PTPRD: variants seen among roughly 807,000 people sequenced by gnomAD.
The protein encoded by PTPRD is receptor-type tyrosine-protein phosphatase delta.
A neutral mutation model predicts 214.5 loss-of-function variants in PTPRD; 34 were observed. The observed-to-expected ratio is 0.16, with a 90% CI of 0.12 to 0.21. PTPRD has a LOEUF of 0.21. PTPRD is among the 10% of genes least tolerant of loss of function. The probability of loss-of-function intolerance (pLI) is 1.00; values close to 1 mark genes in which losing one functional copy is unlikely to be tolerated. For missense variants in PTPRD, 2,545 were observed against 2,398.7 expected (o/e 1.06, Z -1.27); for synonymous variants, 1,128 against 845.7 (o/e 1.33, Z -5.79).
At chr9:9,822,796 G>A (rs966816530) in intron 5 of PTPRD, among the ~76,000 whole-genome samples, 1 of 151,964 alleles carries the variant, frequency 6.6e-6, no homozygotes, top group African/African-American at 2.4e-5. Flanking sequence ...CTCATGTGAC[G>A]ATTCTCAGCG....
chr9:8,587,794 G>A (rs1158801346), intron 14 of PTPRD, among the ~76,000 whole-genome samples: 2 of 152,128 alleles, frequency 1.3e-5, no homozygotes, highest in Non-Finnish European at 2.9e-5. Flanking sequence ...TAGTAGGAAA[G>A]GACAAAACTT....
chr9:8,710,354 T>C lies in PTPRD; in HGVS notation c.64+23426A>G, dbSNP rs1455037049. 2.0e-5 allele frequency among the ~76,000 whole-genome samples: 3 copies of C among 152,174 alleles called. 1 individual carries two copies. Among genetic ancestry groups the C allele is most frequent in the Admixed American group, 2.0e-4 (3 of 15,264 alleles). On this transcript the variant is annotated intron_variant, in intron 12 of 45. Coordinates refer to ENST00000381196, the MANE Select transcript of PTPRD (RefSeq NM_002839.4). ...AAATAAGGCCATGCAGGGTGGCTTA[T>C]GCCTGTAATCCTAGCACTCTGGGAA...
chr9:8,328,465 C>G (rs964833493), intron 44 of PTPRD, among the ~76,000 whole-genome samples: 2 of 152,230 alleles, frequency 1.3e-5, no homozygotes, highest in East Asian at 3.9e-4. Flanking sequence ...TCCTTCGTTT[C>G]AAGCTTGGTG....
chr9:8,590,539 A>G (rs1255230376), intron 14 of PTPRD, among the ~76,000 whole-genome samples: 1 of 152,094 alleles, frequency 6.6e-6, no homozygotes, highest in Non-Finnish European at 1.5e-5. Context: ...ATATTTTTAC[A>G]TTTGAAGCCT....
Position 9,459,733 on chromosome 9 carries a change from T to C in PTPRD, c.-236-62251A>G, listed in dbSNP as rs911752723. Among the ~76,000 whole-genome samples the C allele has an allele frequency of 3.9e-5, 6 of 152,226 alleles. No individual in the cohort carries two copies. The South Asian group carries it at 1.0e-3, about 26-fold the overall frequency. On this transcript the variant is annotated intron_variant, in intron 8 of 45. Transcript: ENST00000381196. ...ATAGAAAACATCCCATGCTCATGAA[T>C]AGGAATAATCAATATCATTAAAATG...
intron 5 of PTPRD, among the ~76,000 whole-genome samples, chr9:9,882,671 T>C (rs1485227194): frequency 1.3e-5 from 2 of 152,202 alleles, no homozygotes; most frequent in East Asian, 1.9e-4. Context: ...AGGTTGTGCA[T>C]TAAATGTCTT....
At chr9:9,929,283 T>C (rs2085493827) in intron 5 of PTPRD, among the ~76,000 whole-genome samples, 1 of 152,180 alleles carries the variant, frequency 6.6e-6, no homozygotes, top group Admixed American at 6.5e-5. Flanking sequence ...TTTGGACCAG[T>C]AAAGTTAACT....
At chr9:9,641,219 T>C (rs571192600) in intron 7 of PTPRD, among the ~76,000 whole-genome samples, 4 of 152,228 alleles carry the variant, frequency 2.6e-5, no homozygotes, top group African/African-American at 7.2e-5. Flanking sequence ...ATCATGATAC[T>C]CTTGAGTGTT....
chr9:9,377,001 G>T lies in PTPRD; in HGVS notation c.-203+20448C>A, dbSNP rs1361170976. Among the ~76,000 whole-genome samples, 2 of 152,024 alleles carry T rather than the reference G, an allele frequency of 1.3e-5. 1 individual carries two copies. ...ACTGAAAATTTTAAGTCTCTTGTCT[G>T]CAGGGAATGTGGAAATTTTTAAAAA... On this transcript the variant is annotated intron_variant, in intron 9 of 45. Coordinates refer to ENST00000381196, the MANE Select transcript of PTPRD (RefSeq NM_002839.4).
chr9:9,684,654 T>A (rs2097136653), intron 7 of PTPRD, among the ~76,000 whole-genome samples: 1 of 151,450 alleles, frequency 6.6e-6, no homozygotes, highest in African/African-American at 2.4e-5. Context: ...ATAGACAAAT[T>A]TGTTACAAAT....
At chr9:10,326,653 TA>T (rs1342822065) in intron 3 of PTPRD, among the ~76,000 whole-genome samples, 1 of 151,626 alleles carries the variant, frequency 6.6e-6, no homozygotes, top group Non-Finnish European at 1.5e-5. Flanking sequence ...TTATTGCTTT[TA>T]CATTTTTGAA....
chr9:8,938,416 T>C (rs142880565), intron 11 of PTPRD, among the ~76,000 whole-genome samples: 5 of 152,264 alleles, frequency 3.3e-5, no homozygotes, highest in African/African-American at 1.2e-4. Flanking sequence ...TATAATCACA[T>C]AATAAATATA....
At chr9:8,826,076 G>A (rs143186605) in intron 11 of PTPRD, among the ~76,000 whole-genome samples, 155 of 152,172 alleles carry the variant, frequency 1.0e-3, no homozygotes, top group South Asian at 2.3e-3. Flanking sequence ...GAGTTGCTCT[G>A]GTTCACAGGC....
intron 25 of PTPRD, 84 bp downstream of exon 25, chr9:8,499,563 A>G: frequency 6.9e-7 from 1 of 1,449,710 alleles, no homozygotes; most frequent in Admixed American, 2.3e-5. Flanking sequence ...AAATGTCGAA[A>G]AACTAAAATA....
intron 3 of PTPRD, among the ~76,000 whole-genome samples, chr9:10,161,915 C>G (rs1399023132): frequency 6.6e-6 from 1 of 151,562 alleles, no homozygotes; most frequent in Non-Finnish European, 1.5e-5. Context: ...AGAAAACATA[C>G]AAATGACCAA....
intron 3 of PTPRD, among the ~76,000 whole-genome samples, chr9:10,085,389 C>T (rs925579457): frequency 6.6e-6 from 1 of 151,730 alleles, no homozygotes; most frequent in Non-Finnish European, 1.5e-5. Flanking sequence ...TTTATAACTG[C>T]TGGAGATATT....
chr9:9,963,019 A>T (rs1044430456), intron 4 of PTPRD, among the ~76,000 whole-genome samples: 2 of 152,056 alleles, frequency 1.3e-5, no homozygotes, highest in Non-Finnish European at 2.9e-5. Context: ...TATATAAAGT[A>T]AAAGTAGTAT....
intron 12 of PTPRD, among the ~76,000 whole-genome samples, chr9:8,698,764 T>G (rs2097994195): frequency 6.6e-6 from 1 of 152,152 alleles, no homozygotes; most frequent in Non-Finnish European, 1.5e-5. Context: ...CGCAGGAAAC[T>G]AGATAGCTTG....
chr9:10,408,473 G>A (rs1031523956), intron 2 of PTPRD, among the ~76,000 whole-genome samples: 1 of 151,634 alleles, frequency 6.6e-6, no homozygotes, highest in Admixed American at 6.6e-5. Context: ...AACTTTCAAT[G>A]ACTGCACAAG....
Sources: gnomAD v4.1 joint callset for allele counts (sites outside exome capture counted in the v4.1 genomes callset) on GRCh38, gnomAD v4.1.1 for gene constraint, MANE v1.5 for transcripts, NCBI Gene and HGNC (gene_info 2026-07-23, HGNC 2026-07-21) for gene names.